The following GLIS3 variants were observed in gnomAD, a reference collection of about 807,000 sequenced individuals.
GLIS3 encodes the protein GLIS family zinc finger 3.
GLIS3 carries 53 observed loss-of-function variants against 78.6 expected under a neutral mutation model. The ratio of observed to expected loss-of-function variants is 0.67; its 90% CI spans 0.54 to 0.85. The LOEUF (loss-of-function observed/expected upper bound fraction) is 0.85, where lower values mean the gene tolerates loss of function less well. GLIS3 is among the 40% of genes least tolerant of loss of function. The probability of loss-of-function intolerance (pLI) is 0.00; values close to 1 mark genes in which losing one functional copy is unlikely to be tolerated. For missense variants in GLIS3, 1,703 were observed against 1,231.1 expected (o/e 1.38, Z -5.74); for synonymous variants, 684 against 509.9 (o/e 1.34, Z -4.60).
At chr9:3,869,499 C>G (rs1167581446) in intron 8 of GLIS3, among the ~76,000 whole-genome samples, 1 of 152,150 alleles carries the variant, frequency 6.6e-6, no homozygotes, top group African/African-American at 2.4e-5. Context: ...GCAAGGTACT[C>G]CTAGCAATGT....
chr9:4,233,308 C>T lies in GLIS3; in HGVS notation c.388+52730G>A, dbSNP rs1246499173. ...AATCTAGGCACTAGACAGGCCCCCT[C>T]CAAATAGGCTTGTACTTTATACCAG... is the stretch of plus-strand genomic sequence containing the variant. On this transcript the variant is annotated intron_variant, in intron 2 of 10. Transcript: ENST00000381971. Among the ~76,000 whole-genome samples, 8 of 152,332 alleles carry T rather than the reference C, an allele frequency of 5.3e-5. No homozygotes were observed. In the East Asian group the frequency reaches 1.3e-3, roughly 26 times the overall value.
chr9:3,870,954 G>A lies in GLIS3; in HGVS notation c.2297+8473C>T, dbSNP rs141432707. On this transcript the variant is annotated intron_variant, in intron 8 of 10. Transcript: ENST00000381971. ...GACAAGGCAGGTCTCTTCCACATAT[G>A]AGCCTGTAAAATCAAAAGCAAGCTA... is the stretch of plus-strand genomic sequence containing the variant. Among the ~76,000 whole-genome samples the A allele has an allele frequency of 6.1e-3, 929 of 152,272 alleles. 4 individuals are homozygous for A. The highest frequency in any genetic ancestry group is 0.011 in the African/African-American group (461 of 41,550).
chr9:3,987,802 T>C (rs1477948137), intron 4 of GLIS3, among the ~76,000 whole-genome samples: 4 of 27,278 alleles, frequency 1.5e-4, no homozygotes, highest in African/African-American at 2.8e-4. Context: ...AACACAAACA[T>C]AAACCTACAG....
At chr9:3,843,822 TTA>T (rs1364136481) in intron 9 of GLIS3, among the ~76,000 whole-genome samples, 1 of 152,178 alleles carries the variant, frequency 6.6e-6, no homozygotes, top group Non-Finnish European at 1.5e-5. Flanking sequence ...ATTTAAGAAC[TTA>T]TTTTGGGATG....
At chr9:4,000,576 C>A (rs1821060718) in intron 4 of GLIS3, among the ~76,000 whole-genome samples, 1 of 152,132 alleles carries the variant, frequency 6.6e-6, no homozygotes, top group Non-Finnish European at 1.5e-5. Context: ...ACACCCAAAG[C>A]TCGTTTAAAG....
chr9:4,333,809 T>C (rs1817717342), intron 2 of GLIS3, among the ~76,000 whole-genome samples: 2 of 140,882 alleles, frequency 1.4e-5, no homozygotes, highest in Admixed American at 7.8e-5. Flanking sequence ...ATTGGAAATA[T>C]CCTCCCAAGA....
chr9:3,963,595 A>G (rs1454086213), intron 4 of GLIS3, among the ~76,000 whole-genome samples: 1 of 152,318 alleles, frequency 6.6e-6, no homozygotes, highest in East Asian at 1.9e-4. Flanking sequence ...CAGAGACCAA[A>G]TAAGAGGAAA....
At chr9:4,076,482 C>T (rs780385887) in intron 4 of GLIS3, among the ~76,000 whole-genome samples, 1 of 151,980 alleles carries the variant, frequency 6.6e-6, no homozygotes, top group Non-Finnish European at 1.5e-5. Context: ...TTCTTTCTTA[C>T]AAAAGGAAAA....
the GLIS3 span, among the ~76,000 whole-genome samples, chr9:4,471,128 G>A: frequency 7.2e-5 from 11 of 152,040 alleles, no homozygotes; most frequent in Non-Finnish European, 5.9e-5. Flanking sequence ...ATGGAAGAAC[G>A]TTCCATGCTC....
intron 2 of GLIS3, among the ~76,000 whole-genome samples, chr9:4,237,656 G>C (rs915769599): frequency 2.0e-5 from 3 of 152,168 alleles, no homozygotes; most frequent in African/African-American, 7.2e-5. Context: ...TAGAAGTACA[G>C]TTTGTCAAAC....
rs919497096 is a variant in GLIS3, at chr9:4,173,183, T to C, written c.389-47242A>G. Among the ~76,000 whole-genome samples the C allele has an allele frequency of 2.0e-5, 3 of 152,116 alleles. No individual in the cohort carries two copies. The East Asian group carries it at 5.8e-4, about 29-fold the overall frequency. The stretch of plus-strand genomic sequence containing the variant: ...GTGAGAGGTGGTGGTGTCATACTAA[T>C]ATCACCAAAGAAATTAGCCAAAACA... On this transcript the variant is annotated intron_variant, in intron 2 of 10. Coordinates refer to ENST00000381971, the MANE Select transcript of GLIS3 (RefSeq NM_001042413.2).
intron 2 of GLIS3, among the ~76,000 whole-genome samples, chr9:4,266,101 G>T (rs1475784157): frequency 1.3e-5 from 2 of 151,890 alleles, no homozygotes; most frequent in East Asian, 1.9e-4. Flanking sequence ...TGTATTTTTA[G>T]TAGAGACAAG....
At chr9:3,841,842 T>A (rs776640020) in intron 9 of GLIS3, among the ~76,000 whole-genome samples, 5 of 152,218 alleles carry the variant, frequency 3.3e-5, no homozygotes, top group Non-Finnish European at 4.4e-5. Context: ...GCTCCTGCTG[T>A]CTCATTATAA....
At chr9:4,435,878 G>A in the GLIS3 span, among the ~76,000 whole-genome samples, 20 of 152,204 alleles carry the variant, frequency 1.3e-4, no homozygotes, top group Non-Finnish European at 2.8e-4. Context: ...AAACTCGGGA[G>A]GTGGAGCTTG....
chr9:4,274,019 T>C (rs1017652559), intron 2 of GLIS3, among the ~76,000 whole-genome samples: 1 of 152,194 alleles, frequency 6.6e-6, no homozygotes, highest in African/African-American at 2.4e-5. Flanking sequence ...CTCCAGGACA[T>C]GTGGCCGAGT....
At chr9:4,254,309 C>T (rs970049164) in intron 2 of GLIS3, among the ~76,000 whole-genome samples, 4 of 152,156 alleles carry the variant, frequency 2.6e-5, no homozygotes, top group African/African-American at 9.7e-5. Context: ...TGCAAAGCAA[C>T]TTTACCAAGA....
chr9:4,475,210 G>C, the GLIS3 span, among the ~76,000 whole-genome samples: 9 of 151,948 alleles, frequency 5.9e-5, no homozygotes, highest in African/African-American at 2.2e-4. Flanking sequence ...ATGAGAAAGG[G>C]TATTTGAAAT....
the GLIS3 span, among the ~76,000 whole-genome samples, chr9:4,482,637 A>G: frequency 6.6e-6 from 1 of 152,244 alleles, no homozygotes; most frequent in African/African-American, 2.4e-5. Context: ...AGAGATACTC[A>G]GAAGCTGATG....
In GLIS3 at chr9:4,093,460, G is replaced by A. The variant is rs542013083; in HGVS notation, c.1710+24308C>T. ...GTACTTCCTCCCTCGGGTTGGCAGGGGCTATTCAGCCAAAGCCTGAACAGA... is the reference window on the plus strand; with the variant it reads ...GTACTTCCTCCCTCGGGTTGGCAGGAGCTATTCAGCCAAAGCCTGAACAGA... On this transcript the variant is annotated intron_variant, in intron 4 of 10. Transcript: ENST00000381971. Among the ~76,000 whole-genome samples the A allele has an allele frequency of 1.8e-4, 27 of 152,266 alleles. 1 individual carries two copies. The South Asian group carries it at 5.4e-3, about 30-fold the overall frequency.
Sources: allele counts gnomAD v4.1 joint callset (sites outside exome capture counted in the v4.1 genomes callset), GRCh38; gene constraint gnomAD v4.1.1; transcripts MANE v1.5; gene names NCBI Gene and HGNC (gene_info 2026-07-23, HGNC 2026-07-21).